RYR3: variants seen among roughly 807,000 people sequenced by gnomAD.
The protein encoded by RYR3 is ryanodine receptor 3.
In RYR3, 207 loss-of-function variants were observed where a neutral mutation model predicts 584.3. The ratio of observed to expected loss-of-function variants is 0.35; its 90% CI spans 0.32 to 0.40. RYR3 has a LOEUF of 0.40. RYR3 is among the 10% of genes least tolerant of loss of function. The pLI is 1.00. For missense variants in RYR3, 5,616 were observed against 6,089.2 expected (o/e 0.92, Z 2.59); for synonymous variants, 2,416 against 2,248.5 (o/e 1.07, Z -2.11).
intron 69 of RYR3, among the ~76,000 whole-genome samples, chr15:33,805,547 G>C (rs190013771): frequency 1.3e-5 from 2 of 150,106 alleles, no homozygotes; most frequent in South Asian, 2.1e-4. Flanking sequence ...GTGCGATCTC[G>C]GCTCACTGCA....
At chr15:33,690,748 A>G (rs932979452) in intron 38 of RYR3, among the ~76,000 whole-genome samples, 1 of 152,170 alleles carries the variant, frequency 6.6e-6, no homozygotes, top group Non-Finnish European at 1.5e-5. Flanking sequence ...ACCCCTTTAC[A>G]CTATTGAAAA....
intron 67 of RYR3, among the ~76,000 whole-genome samples, chr15:33,797,611 A>T (rs1312758746): frequency 6.6e-6 from 1 of 152,154 alleles, no homozygotes; most frequent in Non-Finnish European, 1.5e-5. Flanking sequence ...CCAAAGAAAA[A>T]TATGTTCAGC....
chr15:33,471,244 G>A, intron 1 of RYR3, among the ~76,000 whole-genome samples: 1 of 152,348 alleles, frequency 6.6e-6, no homozygotes, highest in East Asian at 1.9e-4. Context: ...ATGTGGGAAA[G>A]AGTAGAAATC....
intron 10 of RYR3, among the ~76,000 whole-genome samples, chr15:33,557,635 G>A (rs187932781): frequency 2.0e-5 from 3 of 152,142 alleles, no homozygotes; most frequent in East Asian, 1.9e-4. Context: ...CACCCACCTC[G>A]GCCTCCCAAA....
At chr15:33,380,963 G>A (rs2041142208) in intron 1 of RYR3, among the ~76,000 whole-genome samples, 1 of 152,086 alleles carries the variant, frequency 6.6e-6, no homozygotes. Flanking sequence ...CATGATTTTG[G>A]TCTTAGGATG....
At chr15:33,657,645 C>T (rs1483599584) in intron 32 of RYR3, among the ~76,000 whole-genome samples, 1 of 152,226 alleles carries the variant, frequency 6.6e-6, no homozygotes, top group African/African-American at 2.4e-5. Context: ...ATAGGTACTA[C>T]ATCATTATCT....
chr15:33,327,690 T>TTGCC (rs532080346), intron 1 of RYR3, among the ~76,000 whole-genome samples: 11 of 152,126 alleles, frequency 7.2e-5, no homozygotes, highest in South Asian at 2.1e-4. Flanking sequence ...GGAGGGGAAG[T>TTGCC]TGCCTGCCTG....
chr15:33,486,075 G>T lies in RYR3; in HGVS notation c.171+12537G>T, dbSNP rs534295298. ...CCCCTAGGTGTATGACCATGAGAGGGTGTGACTGACTTGGAGCGTGGAAGA... is the reference window on the plus strand; with the variant it reads ...CCCCTAGGTGTATGACCATGAGAGGTTGTGACTGACTTGGAGCGTGGAAGA... On this transcript the variant is annotated intron_variant, in intron 2 of 103. Transcript: ENST00000634891. Among the ~76,000 whole-genome samples, 6 of 152,280 alleles carry T rather than the reference G, an allele frequency of 3.9e-5. No individual in the cohort carries two copies. The East Asian group carries it at 9.6e-4, about 24-fold the overall frequency.
At chr15:33,375,957 G>A (rs994966550) in intron 1 of RYR3, among the ~76,000 whole-genome samples, 3 of 152,118 alleles carry the variant, frequency 2.0e-5, no homozygotes, top group African/African-American at 7.2e-5. Flanking sequence ...GCAGCTACTC[G>A]GGAGGCTGAG....
chr15:33,473,299 AAC>A, intron 1 of RYR3, 118 bp from the exon 2 acceptor site: 2 of 1,195,604 alleles, frequency 1.7e-6, no homozygotes, highest in Non-Finnish European at 2.5e-6. Flanking sequence ...TAAAAATAAA[AAC>A]AAAAAGCACG....
At chr15:33,323,790 T>G (rs1028459910) in intron 1 of RYR3, among the ~76,000 whole-genome samples, 4 of 152,144 alleles carry the variant, frequency 2.6e-5, no homozygotes, top group Admixed American at 2.6e-4. Context: ...TAACTTTGAC[T>G]GTCCCCTGGG....
chr15:33,478,584 A>C (rs922620478), intron 2 of RYR3, among the ~76,000 whole-genome samples: 16 of 152,210 alleles, frequency 1.1e-4, no homozygotes, highest in Non-Finnish European at 4.4e-5. Flanking sequence ...ACTTACATAC[A>C]GGTTGTATCA....
chr15:33,647,558 T>A, intron 30 of RYR3, 98 bp downstream of exon 30: 1 of 814,472 alleles, frequency 1.2e-6, no homozygotes, highest in Non-Finnish European at 2.1e-6. Context: ...AGATCCTCTT[T>A]AATTGCCAAT....
intron 48 of RYR3, among the ~76,000 whole-genome samples, chr15:33,733,840 A>G (rs114472830): frequency 0.037 from 5,694 of 152,306 alleles, 383 homozygotes; most frequent in African/African-American, 0.13. Flanking sequence ...GGCCAGGGAT[A>G]TATGAGAACT....
intron 72 of RYR3, among the ~76,000 whole-genome samples, 196 bp downstream of exon 72, chr15:33,811,233 C>T (rs914084630): frequency 3.9e-5 from 6 of 151,990 alleles, no homozygotes; most frequent in East Asian, 3.9e-4. Flanking sequence ...TGGCTGGGCG[C>T]GGTGGCTCAC....
At chr15:33,693,063 T>C (rs2065562098) in intron 38 of RYR3, among the ~76,000 whole-genome samples, 1 of 152,252 alleles carries the variant, frequency 6.6e-6, no homozygotes, top group South Asian at 2.1e-4. Flanking sequence ...AGAATTGTTT[T>C]GTTAGTCGTG....
At chr15:33,350,447 C>T (rs1973089625) in intron 1 of RYR3, among the ~76,000 whole-genome samples, 1 of 151,870 alleles carries the variant, frequency 6.6e-6, no homozygotes, top group South Asian at 2.1e-4. Context: ...CCCAAATCAA[C>T]AGAATATACA....
chr15:33,550,322 GTGTGATAAAGTGGACTT>G lies in RYR3; in HGVS notation c.972+9_972+25del, dbSNP rs1202213396. On this transcript the variant is annotated splice_region_variant and intron_variant, in intron 10 of 103. Coordinates refer to ENST00000634891, the MANE Select transcript of RYR3 (RefSeq NM_001036.6). ...TCTCTTTCCGGGCATCAAAGGTAAG[GTGTGATAAAGTGGACTT>G]TGACCCTGTTCTAAAAGTGAAAACT... The G allele has an allele frequency of 1.9e-6, 3 of 1,610,484 alleles. No individual in the cohort carries two copies. In the East Asian group the frequency reaches 6.7e-5, roughly 36 times the overall value.
At chr15:33,794,581 CAA>C (rs2075475463) in intron 67 of RYR3, among the ~76,000 whole-genome samples, 1 of 151,886 alleles carries the variant, frequency 6.6e-6, no homozygotes, top group Non-Finnish European at 1.5e-5. Flanking sequence ...TATTGACGAT[CAA>C]GACTCAAGAC....
Sources: allele counts gnomAD v4.1 joint callset (sites outside exome capture counted in the v4.1 genomes callset), GRCh38; gene constraint gnomAD v4.1.1; transcripts MANE v1.5; gene names NCBI Gene and HGNC (gene_info 2026-07-23, HGNC 2026-07-21).